The following SPDYE1 variants were observed in gnomAD, a reference collection of about 807,000 sequenced individuals.
SPDYE1 encodes speedy/RINGO cell cycle regulator family member E1, also known as speedy protein E1.
SPDYE1 carries 29 observed loss-of-function variants against 45.9 expected under a neutral mutation model. That is an observed-to-expected ratio of 0.63 (90% CI 0.47 to 0.86). The LOEUF is 0.86. Ranked by LOEUF, SPDYE1 falls within the 40% of genes least tolerant of loss-of-function variation. The probability of loss-of-function intolerance (pLI) is 0.00; values close to 1 mark genes in which losing one functional copy is unlikely to be tolerated. For missense variants in SPDYE1, 346 were observed against 481.4 expected (o/e 0.72, Z 2.63); for synonymous variants, 134 against 176.8 (o/e 0.76, Z 1.92).
chr7:44,004,398 T>G lies in SPDYE1; in HGVS notation c.666+487T>G, dbSNP rs947461254. On this transcript the variant is annotated intron_variant, in intron 5 of 8. Transcript: ENST00000693451. ...TTTTTTGTGAGACAGAATCTAGCTCTGCTCCCCAGGATGGAGTGCAGTGGC... is the reference window on the plus strand; with the variant it reads ...TTTTTTGTGAGACAGAATCTAGCTCGGCTCCCCAGGATGGAGTGCAGTGGC... 2.1e-5 allele frequency: 5 copies of G among 239,942 alleles called. No homozygotes were observed. The East Asian group carries it at 5.8e-4, about 28-fold the overall frequency. The allele number at this position is 239,942 out of a possible 1,614,324, so 14.9% of individuals were successfully genotyped here.
At chr7:43,998,407 T>G (rs902036356) in intron 1 of SPDYE1, among the ~76,000 whole-genome samples, 2 of 151,454 alleles carry the variant, frequency 1.3e-5, no homozygotes, top group Admixed American at 6.6e-5. Context: ...CTGCGCACCA[T>G]GAGTTCAAGT....
intron 6 of SPDYE1, among the ~76,000 whole-genome samples, chr7:44,006,814 G>A (rs1410585620): frequency 4.6e-5 from 7 of 152,154 alleles, no homozygotes. Context: ...GGGTTTCTCC[G>A]TGTTGACCAG....
intron 8 of SPDYE1, among the ~76,000 whole-genome samples, chr7:44,008,210 G>A (rs1017916599): frequency 3.9e-5 from 6 of 152,362 alleles, no homozygotes; most frequent in East Asian, 3.9e-4. Context: ...AGCTAACCAC[G>A]TTGAGCACAG....
At position 44,009,856 on chromosome 7, in the gene SPDYE1, T is replaced by C; in HGVS notation, c.*1235T>C. The stretch of plus-strand genomic sequence containing the variant: ...GCTGCTGAAGGGAGCATGGTTTTTA[T>C]CTATGATACTTAGTTAACATATATA... On this transcript the variant is annotated 3_prime_UTR_variant, in exon 9 of 9. Coordinates refer to ENST00000693451, the MANE Select transcript of SPDYE1 (RefSeq NM_001378423.2). The C allele has an allele frequency of 6.6e-6, 1 of 151,926 alleles. No individual in the cohort carries two copies. Among genetic ancestry groups the C allele is most frequent in the Non-Finnish European group, 1.5e-5 (1 of 67,962 alleles). 9.4% of individuals were successfully genotyped at this position (151,926 alleles called of 1,614,324 possible).
At chr7:44,004,330 C>T in intron 5 of SPDYE1, 3 of 296,704 alleles carry the variant, frequency 1.0e-5, no homozygotes, top group Non-Finnish European at 1.9e-5. Flanking sequence ...CCACTGTGCC[C>T]GACCAGCTCC....
chr7:44,007,902 C>A (rs192412920), intron 8 of SPDYE1, 89 bp downstream of exon 8: 1 of 1,542,926 alleles, frequency 6.5e-7, no homozygotes, highest in Admixed American at 2.0e-5. Flanking sequence ...GGCTTCAAGC[C>A]TGGGCAACGT....
In SPDYE1 at chr7:44,005,154, A is replaced by G. The variant is rs773961336; in HGVS notation, c.679A>G (p.Met227Val). 4.3e-6 allele frequency: 7 copies of G among 1,611,522 alleles called. No individual in the cohort carries two copies. In the South Asian group the frequency reaches 6.6e-5, roughly 15 times the overall value. ...LRVSDKYLLA[M>V]VIAYFSRAGF... ...TTCTCTCCATCAGTATCTCCTTGCT[A>G]TGGTCATAGCGTATTTCAGCCGAGC... Residue 227 changes from methionine to valine, a missense_variant, in exon 6 of 9, where the codon ATG (methionine) becomes GTG (valine). Met to Val is a conservative substitution (Grantham distance 21, BLOSUM62 1). Around this residue, in one of 4 missense-constraint regions of SPDYE1, gnomAD observed 186 missense variants for 219.1 expected, o/e 0.85. Transcript: ENST00000693451.
At chr7:44,004,083 T>C in intron 5 of SPDYE1, 172 bp downstream of exon 5, 1 of 1,164,538 alleles carries the variant, frequency 8.6e-7, no homozygotes, top group South Asian at 1.4e-5. Context: ...TTGCCCAGGC[T>C]GGAGGGCAGT....
chr7:44,008,586 A>C, intron 8 of SPDYE1, 81 bp from the exon 9 acceptor site: 1 of 1,182,234 alleles, frequency 8.5e-7, no homozygotes, highest in African/African-American at 1.6e-5. Context: ...TCTGAACTCT[A>C]GACTTGACAT....
rs2096061635 is a variant in SPDYE1, at chr7:44,000,669, G to A, written c.161-397G>A. ...GAGCTGGGCATTATGGCAGGCACCT[G>A]TAATCCCAGCCACCTGAGAGGCTGA... On this transcript the variant is annotated intron_variant, in intron 2 of 8. Transcript: ENST00000693451. 2.0e-5 allele frequency among the ~76,000 whole-genome samples: 3 copies of A among 151,886 alleles called. No homozygotes were observed. The East Asian group carries it at 5.8e-4, about 29-fold the overall frequency.
chr7:44,007,855 C>A lies in SPDYE1; in HGVS notation c.*45+42C>A, dbSNP rs1291952397. 1.9e-6 allele frequency: 3 copies of A among 1,590,294 alleles called. No individual in the cohort carries two copies. In the African/African-American group the frequency reaches 4.0e-5, roughly 21 times the overall value. ...CGGGGTAAAGGCAGAATATTGGGGT[C>A]TATTTCGGAAATCCGAAGAACCCAA... is the stretch of plus-strand genomic sequence containing the variant. On this transcript the variant is annotated intron_variant, in intron 8 of 8. Coordinates refer to ENST00000693451, the MANE Select transcript of SPDYE1 (RefSeq NM_001378423.2).
intron 3 of SPDYE1, among the ~76,000 whole-genome samples, chr7:44,001,725 G>T (rs2096063400): frequency 6.6e-6 from 1 of 152,104 alleles, no homozygotes; most frequent in South Asian, 2.1e-4. Context: ...TGAGATGGGT[G>T]GATCACTTGA....
chr7:44,001,704 CT>C (rs2096063357), intron 3 of SPDYE1, among the ~76,000 whole-genome samples: 1 of 152,096 alleles, frequency 6.6e-6, no homozygotes, highest in Non-Finnish European at 1.5e-5. Flanking sequence ...AATCCCATTA[CT>C]TTGGGAGGCT....
intron 8 of SPDYE1, 148 bp downstream of exon 8, chr7:44,007,961 G>A: frequency 1.3e-6 from 2 of 1,504,778 alleles, no homozygotes; most frequent in South Asian, 2.5e-5. Context: ...AGGCAATGTG[G>A]GACGCATCTC....
chr7:43,998,166 T>C (rs1017633433), intron 1 of SPDYE1, among the ~76,000 whole-genome samples: 1 of 152,008 alleles, frequency 6.6e-6, no homozygotes, highest in Non-Finnish European at 1.5e-5. Context: ...TGAATGCGAA[T>C]TTGAACTCCA....
chr7:44,007,153 T>G, intron 6 of SPDYE1, 115 bp from the exon 7 acceptor site: 1 of 1,594,660 alleles, frequency 6.3e-7, no homozygotes, highest in Non-Finnish European at 8.5e-7. Flanking sequence ...CTCTGCAGGG[T>G]GGGTGCCAGT....
rs1173218148 is a variant in SPDYE1 at position 44,002,756 on chromosome 7, G to A, written c.546G>A (p.Leu182=). ...TGCTGTGTGGCCTCAAGATGAAGCT[G>A]AAGCGACGGCGAGTGTCGCTCGTGC... ...AEMLCGLKMK[L]KRRRVSLVLP... is the part of the protein sequence containing the mutation. Residue 182 remains leucine (L), a synonymous_variant, in exon 4 of 9, where the codon CTG becomes CTA. Transcript: ENST00000693451. The A allele has an allele frequency of 7.0e-6, 11 of 1,570,976 alleles. 1 individual carries two copies. In the South Asian group the frequency reaches 1.3e-4, roughly 18 times the overall value.
At chr7:44,008,273 T>G (rs4049476) in intron 8 of SPDYE1, among the ~76,000 whole-genome samples, 1 of 152,248 alleles carries the variant, frequency 6.6e-6, no homozygotes, top group Non-Finnish European at 1.5e-5. Context: ...CTTCTGGACT[T>G]GTGGTTCGTG....
At chr7:44,006,262 T>C (rs986025681) in intron 6 of SPDYE1, among the ~76,000 whole-genome samples, 1 of 151,984 alleles carries the variant, frequency 6.6e-6, no homozygotes, top group African/African-American at 2.4e-5. Context: ...AAGGACCCAT[T>C]CCTTGAAGTC....
Sources: gnomAD v4.1 joint callset for allele counts (sites outside exome capture counted in the v4.1 genomes callset) on GRCh38, gnomAD v4.1.1 for gene constraint, gnomAD v4.1.1 regional missense constraint, MANE v1.5 for transcripts, NCBI Gene and HGNC (gene_info 2026-07-23, HGNC 2026-07-21) for gene names.